INPP4B: variants seen among roughly 807,000 people sequenced by gnomAD.
INPP4B encodes the protein inositol polyphosphate-4-phosphatase type II B.
A neutral mutation model predicts 122.5 loss-of-function variants in INPP4B; 55 were observed. The observed-to-expected ratio is 0.45, with a 90% confidence interval of 0.36 to 0.56. INPP4B has a LOEUF of 0.56. Among genes scored for constraint, INPP4B ranks in the 20% least tolerant of loss-of-function variants. INPP4B has a pLI of 0.00. For synonymous variants in INPP4B, 403 were observed against 388.7 expected, an observed-to-expected ratio of 1.04 and a Z score of -0.43; for missense variants, 1,000 against 1,097.7, an observed-to-expected ratio of 0.91 and a Z score of 1.26.
chr4:142,254,052 C>T (rs998761290), intron 11 of INPP4B, among the ~76,000 whole-genome samples: 2 of 152,122 alleles, frequency 1.3e-5, no homozygotes, highest in African/African-American at 4.8e-5. Flanking sequence ...TGACCCCTGA[C>T]CCCCGAGCAG....
chr4:142,157,194 G>A lies in INPP4B; in HGVS notation c.1563+3164C>T, dbSNP rs558830280. On this transcript the variant is annotated intron_variant, in intron 17 of 25. Coordinates refer to ENST00000262992, the MANE Select transcript of INPP4B (RefSeq NM_001101669.3). Reference sequence around the variant, plus strand: ...CAGTCTCTAAAGGCATCTTCAATTAGCTACATTTTCTTTAGTTTTACTCAA... The same window carrying A: ...CAGTCTCTAAAGGCATCTTCAATTAACTACATTTTCTTTAGTTTTACTCAA... Among the ~76,000 whole-genome samples, 89 of 152,140 alleles carry A rather than the reference G, an allele frequency of 5.8e-4. No individual in the cohort carries two copies. In the South Asian group the frequency reaches 0.017, roughly 29 times the overall value.
chr4:142,792,817 G>A (rs553531461), intron 1 of INPP4B, among the ~76,000 whole-genome samples: 54 of 152,040 alleles, frequency 3.6e-4, no homozygotes, highest in Non-Finnish European at 6.3e-4. Context: ...TTCAAACGCC[G>A]CTCTTTCAAA....
Position 142,498,957 on chromosome 4 carries a change from G to A in INPP4B, c.-190-36231C>T, listed in dbSNP as rs554869434. Among the ~76,000 whole-genome samples the A allele has an allele frequency of 2.6e-5, 4 of 152,240 alleles. No individual in the cohort carries two copies. In the South Asian group the frequency reaches 8.3e-4, roughly 32 times the overall value. ...GAAGACACAATTATGAGTTAGTATT[G>A]TCAAATATAGATGCAATCTGTGTGA... On this transcript the variant is annotated intron_variant, in intron 2 of 25. Coordinates refer to ENST00000262992, the MANE Select transcript of INPP4B (RefSeq NM_001101669.3).
At chr4:142,451,677 A>G (rs1814263373) in intron 3 of INPP4B, among the ~76,000 whole-genome samples, 1 of 152,162 alleles carries the variant, frequency 6.6e-6, no homozygotes, top group South Asian at 2.1e-4. Flanking sequence ...GGAGATCACA[A>G]TCCCAGTCAA....
intron 2 of INPP4B, among the ~76,000 whole-genome samples, chr4:142,665,139 T>C (rs1293599352): frequency 6.6e-6 from 1 of 152,212 alleles, no homozygotes; most frequent in Non-Finnish European, 1.5e-5. Flanking sequence ...TTGATCAAAA[T>C]GTCATTATGT....
At chr4:142,588,727 A>G (rs1478000959) in intron 2 of INPP4B, among the ~76,000 whole-genome samples, 2 of 151,798 alleles carry the variant, frequency 1.3e-5, no homozygotes, top group African/African-American at 4.8e-5. Flanking sequence ...CCATGCTCAT[A>G]GATTGAAAGA....
At chr4:142,649,015 A>T (rs538838022) in intron 2 of INPP4B, among the ~76,000 whole-genome samples, 2 of 152,182 alleles carry the variant, frequency 1.3e-5, no homozygotes, top group Admixed American at 1.3e-4. Context: ...ATCAGGCAGC[A>T]ATTTTTGCTG....
chr4:142,227,059 T>G (rs1433547370), intron 12 of INPP4B, among the ~76,000 whole-genome samples: 1 of 151,844 alleles, frequency 6.6e-6, no homozygotes, highest in Non-Finnish European at 1.5e-5. Context: ...AGAATACAAG[T>G]GAGAGTTGGA....
intron 7 of INPP4B, among the ~76,000 whole-genome samples, chr4:142,337,443 C>T (rs1579777905): frequency 6.6e-6 from 1 of 151,604 alleles, no homozygotes; most frequent in East Asian, 1.9e-4. Context: ...AGTTTTACAT[C>T]CTTATCTATA....
At chr4:142,545,409 T>C (rs1384809839) in intron 2 of INPP4B, among the ~76,000 whole-genome samples, 1 of 152,076 alleles carries the variant, frequency 6.6e-6, no homozygotes, top group African/African-American at 2.4e-5. Context: ...AAAAGGTAAC[T>C]GAGTGACTCA....
At chr4:142,128,936 C>G (rs1799961760) in intron 18 of INPP4B, among the ~76,000 whole-genome samples, 1 of 152,200 alleles carries the variant, frequency 6.6e-6, no homozygotes, top group African/African-American at 2.4e-5. Context: ...CTGAGCCATT[C>G]TCTTCTCAGG....
intron 14 of INPP4B, among the ~76,000 whole-genome samples, chr4:142,196,956 C>G (rs2149399772): frequency 6.6e-6 from 1 of 151,736 alleles, no homozygotes; most frequent in African/African-American, 2.4e-5. Context: ...GAAACCCCGT[C>G]TCTACTAAAA....
intron 3 of INPP4B, among the ~76,000 whole-genome samples, chr4:142,459,836 A>C (rs1325570377): frequency 3.3e-5 from 5 of 152,196 alleles, no homozygotes; most frequent in Admixed American, 3.3e-4. Flanking sequence ...AAAGTTCTGT[A>C]ATTCAGAAAT....
intron 18 of INPP4B, among the ~76,000 whole-genome samples, chr4:142,144,915 CTT>C (rs916097843): frequency 1.9e-4 from 29 of 150,830 alleles, no homozygotes; most frequent in Non-Finnish European, 3.6e-4. Flanking sequence ...TCTTATGACT[CTT>C]TTTTTTTAAA....
intron 1 of INPP4B, among the ~76,000 whole-genome samples, chr4:142,763,572 A>G (rs1164157782): frequency 6.6e-6 from 1 of 152,112 alleles, no homozygotes; most frequent in East Asian, 1.9e-4. Flanking sequence ...TTACAACATA[A>G]TATAACATCA....
intron 7 of INPP4B, among the ~76,000 whole-genome samples, chr4:142,400,636 G>T (rs961177602): frequency 2.6e-5 from 4 of 152,168 alleles, no homozygotes; most frequent in African/African-American, 9.7e-5. Flanking sequence ...AAGAGGTTAT[G>T]CCTTAATCAA....
chr4:142,443,299 G>T lies in INPP4B; in HGVS notation c.-126-11914C>A, dbSNP rs182035845. Among the ~76,000 whole-genome samples the T allele has an allele frequency of 1.9e-3, 287 of 152,198 alleles. 1 individual carries two copies. Among genetic ancestry groups the T allele is most frequent in the Admixed American group, 2.2e-3 (34 of 15,284 alleles). ...CATGAGAATGATTGGAAGCAGAGTG[G>T]GTGCCTGGAGAAAGTGTCCCTTTGA... On this transcript the variant is annotated intron_variant, in intron 3 of 25. Coordinates refer to ENST00000262992, the MANE Select transcript of INPP4B (RefSeq NM_001101669.3).
intron 9 of INPP4B, among the ~76,000 whole-genome samples, chr4:142,297,209 C>A (rs1025290451): frequency 6.6e-6 from 1 of 152,210 alleles, no homozygotes; most frequent in African/African-American, 2.4e-5. Context: ...ATTTCTTTTG[C>A]TGGTAGCTGC....
chr4:142,237,773 A>G, intron 12 of INPP4B, 91 bp downstream of exon 12: 1 of 725,422 alleles, frequency 1.4e-6, no homozygotes, highest in Non-Finnish European at 2.1e-6. Context: ...ATATTTCAAA[A>G]TGTTGCACAG....
Sources: allele counts gnomAD v4.1 joint callset (sites outside exome capture counted in the v4.1 genomes callset), GRCh38; gene constraint gnomAD v4.1.1; transcripts MANE v1.5; gene names NCBI Gene and HGNC (gene_info 2026-07-23, HGNC 2026-07-21).